Variants in LAMC1 observed in about 807,000 individuals in gnomAD.
LAMC1 encodes laminin subunit gamma-1.
Under a neutral mutation model 173.6 loss-of-function variants are expected in LAMC1, and 38 were observed. That is an observed-to-expected ratio of 0.22 (90% confidence interval 0.17 to 0.29). LAMC1 has a LOEUF of 0.29. Among genes scored for constraint, LAMC1 ranks in the 10% least tolerant of loss-of-function variants. The pLI is 1.00. For synonymous variants in LAMC1, 746 were observed against 749.1 expected, an observed-to-expected ratio of 1.00 and a Z score of 0.07; for missense variants, 1,824 against 2,051.8, an observed-to-expected ratio of 0.89 and a Z score of 2.14.
intron 1 of LAMC1, among the ~76,000 whole-genome samples, chr1:183,050,709 T>G (rs1654401329): frequency 6.7e-6 from 1 of 149,822 alleles, no homozygotes; most frequent in South Asian, 2.1e-4. Context: ...CTGACCAACA[T>G]GGTGAAACCC....
At chr1:183,125,011 T>G (rs1656581268) in intron 14 of LAMC1, 135 bp downstream of exon 14, 5 of 1,181,676 alleles carry the variant, frequency 4.2e-6, no homozygotes, top group Non-Finnish European at 5.8e-6. Flanking sequence ...CTTTTAAAAT[T>G]TTCTAGTCAC....
At position 183,144,366 on chromosome 1, in the gene LAMC1, G is replaced by A. The variant is rs959585210; in HGVS notation, c.*1576G>A. ...ATATACTTAGTCCTATTTCTAGAAT[G>A]ACACTCTGTTCACTTTGCTCAATTT... is the stretch of plus-strand genomic sequence containing the variant. On this transcript the variant is annotated 3_prime_UTR_variant, in exon 28 of 28. Transcript: ENST00000258341. 1 of 152,660 alleles carries A rather than the reference G, an allele frequency of 6.6e-6. No homozygotes were observed. The highest frequency in any genetic ancestry group is 2.1e-4 in the South Asian group (1 of 4,814). 9.5% of individuals were successfully genotyped at this position (152,660 alleles called of 1,614,324 possible).
In LAMC1 at chr1:183,140,384, G is replaced by A. The variant is rs780507324; in HGVS notation, c.4474-20G>A. On this transcript the variant is annotated intron_variant, in intron 26 of 27. Transcript: ENST00000258341. ...TGAAAACATACAGTCAAGACTCTTTGCCTCATTTTTCCCTTACAGGCTTCA... is the reference window on the plus strand; with the variant it reads ...TGAAAACATACAGTCAAGACTCTTTACCTCATTTTTCCCTTACAGGCTTCA... 2.0e-6 allele frequency: 3 copies of A among 1,521,490 alleles called. No individual in the cohort carries two copies. Among genetic ancestry groups the A allele is most frequent in the East Asian group, 2.3e-5 (1 of 43,938 alleles). 94.2% of individuals were successfully genotyped at this position (1,521,490 alleles called of 1,614,324 possible). A position where few individuals can be genotyped will look rare whatever the true frequency, so the allele number is the denominator to read the frequency against.
At chr1:183,095,691 G>A (rs111913346) in intron 1 of LAMC1, among the ~76,000 whole-genome samples, 120 of 152,254 alleles carry the variant, frequency 7.9e-4, no homozygotes, top group Non-Finnish European at 1.5e-3. Context: ...CCCAGCTCAA[G>A]GACTTATTCA....
At chr1:183,032,105 A>G (rs1653863482) in intron 1 of LAMC1, among the ~76,000 whole-genome samples, 1 of 152,202 alleles carries the variant, frequency 6.6e-6, no homozygotes, top group Admixed American at 6.6e-5. Flanking sequence ...GTACTGCACC[A>G]GACTAGGGTG....
At chr1:183,127,535 A>AT in intron 17 of LAMC1, 131 bp downstream of exon 17, 1 of 684,264 alleles carries the variant, frequency 1.5e-6, no homozygotes, top group South Asian at 2.2e-5. Context: ...CTTATGTTCC[A>AT]GTTGGGAGGC....
intron 1 of LAMC1, among the ~76,000 whole-genome samples, chr1:183,027,739 G>T (rs1653726732): frequency 6.6e-6 from 1 of 152,166 alleles, no homozygotes; most frequent in Admixed American, 6.5e-5. Flanking sequence ...TAGAATAATT[G>T]ATATATAAGG....
chr1:183,116,516 G>A, intron 6 of LAMC1, 61 bp from the exon 7 acceptor site: 1 of 1,150,142 alleles, frequency 8.7e-7, no homozygotes, highest in African/African-American at 1.5e-5. Context: ...ACAAAGGGCT[G>A]ACTTGAAGAG....
intron 1 of LAMC1, among the ~76,000 whole-genome samples, chr1:183,055,886 TTGA>T (rs1457152015): frequency 4.6e-5 from 7 of 152,154 alleles, no homozygotes; most frequent in African/African-American, 4.8e-5. Context: ...AAGCATACAA[TTGA>T]TGATTATTTT....
intron 1 of LAMC1, among the ~76,000 whole-genome samples, chr1:183,083,761 A>AT (rs1378260010): frequency 6.6e-6 from 1 of 152,186 alleles, no homozygotes; most frequent in African/African-American, 2.4e-5. Flanking sequence ...CATTCTTAAC[A>AT]TTTTACGGGA....
intron 1 of LAMC1, among the ~76,000 whole-genome samples, chr1:183,094,855 T>G (rs1655652607): frequency 6.6e-6 from 1 of 152,062 alleles, no homozygotes; most frequent in Admixed American, 6.6e-5. Context: ...TTTTTTTGTT[T>G]TTCGTTTTTG....
At chr1:183,078,729 G>A (rs762901403) in intron 1 of LAMC1, among the ~76,000 whole-genome samples, 6 of 152,044 alleles carry the variant, frequency 3.9e-5, no homozygotes, top group Non-Finnish European at 7.4e-5. Flanking sequence ...AGAATATTGA[G>A]TCTGGGCACG....
Position 183,133,561 on chromosome 1 carries a change from A to T in LAMC1, c.3849+11A>T, listed in dbSNP as rs1348665505. ...TCTGAGACACTGGAGGTATGGGGGCAGCCTGTACGCACAGCCCCACCCCGT... is the reference window on the plus strand; with the variant it reads ...TCTGAGACACTGGAGGTATGGGGGCTGCCTGTACGCACAGCCCCACCCCGT... On this transcript the variant is annotated intron_variant, in intron 22 of 27. Coordinates refer to ENST00000258341, the MANE Select transcript of LAMC1 (RefSeq NM_002293.4). 14 of 1,604,894 alleles carry T rather than the reference A, an allele frequency of 8.7e-6. No individual in the cohort carries two copies. Among genetic ancestry groups the T allele is most frequent in the Non-Finnish European group, 1.2e-5 (14 of 1,174,120 alleles).
chr1:183,023,655 C>G lies in LAMC1; in HGVS notation c.-62C>G. On this transcript the variant is annotated 5_prime_UTR_variant, in exon 1 of 28. Coordinates refer to ENST00000258341, the MANE Select transcript of LAMC1 (RefSeq NM_002293.4). ...GCGAAGCGGCCTCCGGGGGACGCCG[C>G]TAGGCGAGAGGAACGCGCCGGTGCC... is the stretch of plus-strand genomic sequence containing the variant. 1 of 1,130,598 alleles carries G rather than the reference C, an allele frequency of 8.8e-7. No individual in the cohort carries two copies. Among genetic ancestry groups the G allele is most frequent in the Non-Finnish European group, 1.1e-6 (1 of 918,458 alleles). 70.0% of individuals were successfully genotyped at this position (1,130,598 alleles called of 1,614,324 possible). A position where few individuals can be genotyped will look rare whatever the true frequency, so the allele number is the denominator to read the frequency against.
chr1:183,079,231 G>GTTTTTT (rs1262239438), intron 1 of LAMC1, among the ~76,000 whole-genome samples: 18 of 95,614 alleles, frequency 1.9e-4, no homozygotes, highest in African/African-American at 5.5e-4. Flanking sequence ...TCTCTAATCT[G>GTTTTTT]GTTTTTTTTT....
At chr1:183,136,266 C>A in intron 24 of LAMC1, 120 bp from the exon 25 acceptor site, 1 of 793,488 alleles carries the variant, frequency 1.3e-6, no homozygotes, top group South Asian at 1.7e-5. Flanking sequence ...CCCATGCTCT[C>A]TTCCATTTTT....
intron 8 of LAMC1, 34 bp downstream of exon 8, chr1:183,116,937 C>T (rs1181879659): frequency 1.3e-6 from 2 of 1,576,342 alleles, no homozygotes; most frequent in East Asian, 4.5e-5. Context: ...CCTGTTAGAA[C>T]TGTGAGATTA....
At chr1:183,041,049 C>T (rs1252874669) in intron 1 of LAMC1, among the ~76,000 whole-genome samples, 2 of 151,992 alleles carry the variant, frequency 1.3e-5, no homozygotes, top group Non-Finnish European at 2.9e-5. Context: ...AAATGACTTA[C>T]CAGAAATAGT....
In LAMC1 at chr1:183,108,482, A is replaced by G. The variant is rs923126236; in HGVS notation, c.854+76A>G. The G allele has an allele frequency of 5.3e-6, 7 of 1,321,464 alleles. No individual in the cohort carries two copies. In the African/African-American group the frequency reaches 5.9e-5, roughly 11 times the overall value. The allele number at this position is 1,321,464 out of a possible 1,614,324, so 81.9% of individuals were successfully genotyped here. A position where few individuals can be genotyped will look rare whatever the true frequency, so the allele number is the denominator to read the frequency against. Reference sequence around the variant, plus strand: ...AGGTGAATCTAGCAACTTGTTTACAACTATGTTAATACCGTTGTTAGATGT... The same window carrying G: ...AGGTGAATCTAGCAACTTGTTTACAGCTATGTTAATACCGTTGTTAGATGT... On this transcript the variant is annotated intron_variant, in intron 3 of 27. Transcript: ENST00000258341.
Sources: allele counts gnomAD v4.1 joint callset (sites outside exome capture counted in the v4.1 genomes callset), GRCh38; gene constraint gnomAD v4.1.1; transcripts MANE v1.5; gene names NCBI Gene and HGNC (gene_info 2026-07-23, HGNC 2026-07-21).